Variants in PEAK1 observed in about 807,000 individuals in gnomAD.
PEAK1 encodes pseudopodium enriched atypical kinase 1, also known as inactive tyrosine-protein kinase PEAK1.
Under a neutral mutation model 124.7 loss-of-function variants are expected in PEAK1, and 54 were observed. The observed-to-expected ratio is 0.43, with a 90% CI of 0.35 to 0.54. The LOEUF is 0.54. PEAK1 is among the 20% of genes least tolerant of loss of function. PEAK1 has a pLI of 0.01. For missense variants in PEAK1, 2,046 were observed against 2,134.5 expected (o/e 0.96, Z 0.82); for synonymous variants, 719 against 760.0 (o/e 0.95, Z 0.89).
In PEAK1 at chr15:77,180,295, C is replaced by CT; in HGVS notation, c.1631dup (p.Ile545AspfsTer3). On this transcript the variant is annotated frameshift_variant, in exon 7 of 10. Coordinates refer to ENST00000682557, the MANE Select transcript of PEAK1 (RefSeq NM_001385026.1). LOFTEE classifies it high-confidence loss of function. ...TAGTAATTAGTTCTACTTTAGGTAT[C>CT]TTTTGTCGTGGACTGGTGCTAGAAG... 6.2e-7 allele frequency: 1 copy of CT among 1,614,104 alleles called. No homozygotes were observed. Among genetic ancestry groups the CT allele is most frequent in the Non-Finnish European group, 8.5e-7 (1 of 1,180,002 alleles).
At chr15:77,302,051 G>GTT (rs139881532) in intron 2 of PEAK1, among the ~76,000 whole-genome samples, 3 of 151,894 alleles carry the variant, frequency 2.0e-5, no homozygotes, top group African/African-American at 7.3e-5. Context: ...GTCTTGTTTT[G>GTT]TTTTTTTGAG....
chr15:77,165,456 C>A (rs1182501977), intron 7 of PEAK1, among the ~76,000 whole-genome samples: 3 of 152,200 alleles, frequency 2.0e-5, no homozygotes, highest in African/African-American at 4.8e-5. Context: ...CTCAGCCACC[C>A]AAAGTACTTG....
intron 6 of PEAK1, among the ~76,000 whole-genome samples, chr15:77,183,400 C>T (rs1209520105): frequency 1.3e-5 from 2 of 152,060 alleles, no homozygotes; most frequent in African/African-American, 4.8e-5. Flanking sequence ...TGTGAAATTA[C>T]ATTTTTCAAA....
chr15:77,381,192 G>A (rs1473044090), intron 1 of PEAK1: 1 of 975,738 alleles, frequency 1.0e-6, no homozygotes, highest in Non-Finnish European at 1.2e-6. Flanking sequence ...GCTAATCTAG[G>A]ACTACAGTTG....
chr15:77,417,459 C>CGGGGGGGGGGGGGGGGGGGGGGG (rs745566711), intron 1 of PEAK1: 1 of 370,894 alleles, frequency 2.7e-6, no homozygotes, highest in Non-Finnish European at 3.1e-6. Flanking sequence ...GGATGCGGGG[C>CGGGGGGGGGGGGGGGGGGGGGGG]GGGGGGGGAG....
intron 8 of PEAK1, among the ~76,000 whole-genome samples, chr15:77,139,033 GT>G (rs1253162596): frequency 2.0e-5 from 3 of 152,148 alleles, no homozygotes; most frequent in Middle Eastern, 3.4e-3. Flanking sequence ...TGGAAATAAA[GT>G]CTTTGTAGAT....
At chr15:77,171,421 G>C (rs986087366) in intron 7 of PEAK1, among the ~76,000 whole-genome samples, 1 of 151,874 alleles carries the variant, frequency 6.6e-6, no homozygotes, top group African/African-American at 2.4e-5. Context: ...ATAATGCCAG[G>C]AACAAATGTT....
chr15:77,378,354 G>C (rs1236247621), intron 1 of PEAK1, among the ~76,000 whole-genome samples: 1 of 151,868 alleles, frequency 6.6e-6, no homozygotes, highest in Non-Finnish European at 1.5e-5. Context: ...ACATACATGG[G>C]CAGTGGAAGT....
In PEAK1 at chr15:77,263,039, T is replaced by C. The variant is rs1348847880; in HGVS notation, c.-274-10513A>G. Reference sequence around the variant, plus strand: ...AATGAAATGAAGGCAGAAATAAAGATGTTCTTTGAAACCAATGAGAACAAA... The same window carrying C: ...AATGAAATGAAGGCAGAAATAAAGACGTTCTTTGAAACCAATGAGAACAAA... On this transcript the variant is annotated intron_variant, in intron 5 of 9. Transcript: ENST00000682557. Among the ~76,000 whole-genome samples the C allele has an allele frequency of 2.0e-5, 3 of 152,294 alleles. No homozygotes were observed. In the East Asian group the frequency reaches 5.8e-4, roughly 29 times the overall value.
At chr15:77,237,074 T>A (rs183022189) in intron 6 of PEAK1, among the ~76,000 whole-genome samples, 14 of 152,316 alleles carry the variant, frequency 9.2e-5, no homozygotes, top group Admixed American at 6.5e-4. Flanking sequence ...TAATTTTTTT[T>A]AAAGTGGGCT....
intron 2 of PEAK1, among the ~76,000 whole-genome samples, chr15:77,305,454 C>A (rs959938920): frequency 6.6e-6 from 1 of 151,914 alleles, no homozygotes; most frequent in Non-Finnish European, 1.5e-5. Flanking sequence ...TGGCCAGAGG[C>A]GAAGGTCTAT....
chr15:77,307,003 A>G (rs2064142351), intron 2 of PEAK1, among the ~76,000 whole-genome samples: 1 of 152,146 alleles, frequency 6.6e-6, no homozygotes, highest in Non-Finnish European at 1.5e-5. Flanking sequence ...TAAATAAGTT[A>G]TTGCCCATAA....
In PEAK1 at chr15:77,152,252, T is replaced by A. The variant is rs1392878861; in HGVS notation, c.3331+6251A>T. Among the ~76,000 whole-genome samples, 7 of 152,314 alleles carry A rather than the reference T, an allele frequency of 4.6e-5. No individual in the cohort carries two copies. In the South Asian group the frequency reaches 1.5e-3, roughly 32 times the overall value. On this transcript the variant is annotated intron_variant, in intron 8 of 9. Transcript: ENST00000682557. Reference sequence around the variant, plus strand: ...GGTATTTTATTCTCTTTGAAGCAATTGTGAATGGGAGTTCACGCATGATTT... The same window carrying A: ...GGTATTTTATTCTCTTTGAAGCAATAGTGAATGGGAGTTCACGCATGATTT...
chr15:77,130,306 T>C (rs1037279196), intron 9 of PEAK1, among the ~76,000 whole-genome samples: 1 of 152,226 alleles, frequency 6.6e-6, no homozygotes, highest in African/African-American at 2.4e-5. Context: ...ATAACCTCAA[T>C]TTATATAACA....
intron 9 of PEAK1, among the ~76,000 whole-genome samples, chr15:77,127,822 G>C (rs1278856429): frequency 1.3e-5 from 2 of 152,208 alleles, no homozygotes; most frequent in East Asian, 3.8e-4. Context: ...GCTCATGCCT[G>C]TAATCCCAGT....
rs556632848 is a variant in PEAK1 at position 77,219,144 on chromosome 15, T to C, written c.-115+33223A>G. 5.3e-5 allele frequency among the ~76,000 whole-genome samples: 8 copies of C among 152,210 alleles called. No homozygotes were observed. The East Asian group carries it at 1.2e-3, about 22-fold the overall frequency. On this transcript the variant is annotated intron_variant, in intron 6 of 9. Coordinates refer to ENST00000682557, the MANE Select transcript of PEAK1 (RefSeq NM_001385026.1). Reference sequence around the variant, plus strand: ...ATATATGTATACTGTATATAATGAATTGCAATACAGACAATGACTGGAGGT... The same window carrying C: ...ATATATGTATACTGTATATAATGAACTGCAATACAGACAATGACTGGAGGT...
intron 2 of PEAK1, among the ~76,000 whole-genome samples, chr15:77,316,139 C>T (rs2064855812): frequency 6.6e-6 from 1 of 152,148 alleles, no homozygotes; most frequent in Non-Finnish European, 1.5e-5. Context: ...AATGCCACCA[C>T]AGTATTAACA....
Position 77,180,009 on chromosome 15 carries a change from T to C in PEAK1, c.1918A>G (p.Ile640Val), listed in dbSNP as rs1419039002. 23 of 1,614,108 alleles carry C rather than the reference T, an allele frequency of 1.4e-5. No individual in the cohort carries two copies. The highest frequency in any genetic ancestry group is 2.2e-5 in the South Asian group (2 of 91,080). ...CTTGTTCCCAGAAAACTTTTGTAGA[T>C]AGCTAGATTGTCATATGCATTTGGA... ...INPNAYDNLA[I>V]YKSFLGTSGE... The change falls in exon 7 of 10, where the codon ATC (isoleucine) becomes GTC (valine). Residue 640 changes from isoleucine (I) to valine (V), a missense_variant. Ile to Val is a conservative substitution (Grantham distance 29). Transcript: ENST00000682557.
chr15:77,106,572 G>C (rs531254813), downstream of PEAK1: 1 of 152,288 alleles, frequency 6.6e-6, no homozygotes, highest in East Asian at 1.9e-4. Flanking sequence ...CACCGTGTTA[G>C]CCAGGATGGT....
Sources: allele counts gnomAD v4.1 joint callset (sites outside exome capture counted in the v4.1 genomes callset), GRCh38; gene constraint gnomAD v4.1.1; transcripts MANE v1.5; gene names NCBI Gene and HGNC (gene_info 2026-07-23, HGNC 2026-07-21).